Variants in ABTB2 observed in about 807,000 individuals in gnomAD.
The protein encoded by ABTB2 is ankyrin repeat and BTB/POZ domain-containing protein 2.
A neutral mutation model predicts 104.1 loss-of-function variants in ABTB2; 56 were observed. The ratio of observed to expected loss-of-function variants is 0.54; its 90% CI spans 0.43 to 0.67. The LOEUF is 0.67. Among genes scored for constraint, ABTB2 ranks in the 30% least tolerant of loss-of-function variants. ABTB2 has a pLI of 0.00. For missense variants in ABTB2, 1,279 were observed against 1,407.7 expected, an observed-to-expected ratio of 0.91 and a Z score of 1.46; for synonymous variants, 606 against 608.2, an observed-to-expected ratio of 1.00 and a Z score of 0.05.
At chr11:34,311,013 A>T (rs1263829474) in intron 1 of ABTB2, among the ~76,000 whole-genome samples, 1 of 152,224 alleles carries the variant, frequency 6.6e-6, no homozygotes, top group Non-Finnish European at 1.5e-5. Flanking sequence ...CCACAGAGAG[A>T]TGCCGTTTCT....
intron 1 of ABTB2, among the ~76,000 whole-genome samples, chr11:34,234,353 T>G (rs1853812562): frequency 6.6e-6 from 1 of 152,222 alleles, no homozygotes; most frequent in South Asian, 2.1e-4. Flanking sequence ...GATTCTCCCC[T>G]CCCTGGCCTT....
chr11:34,332,004 CAA>C (rs1357311467), intron 1 of ABTB2, among the ~76,000 whole-genome samples: 1 of 152,204 alleles, frequency 6.6e-6, no homozygotes, highest in Admixed American at 6.5e-5. Context: ...GATCTCAACA[CAA>C]ATGACCACCT....
chr11:34,267,067 A>T (rs1854261372), intron 1 of ABTB2, among the ~76,000 whole-genome samples: 1 of 152,114 alleles, frequency 6.6e-6, no homozygotes, highest in Non-Finnish European at 1.5e-5. Context: ...AGGAGAGGAA[A>T]ATTCTCTCAA....
At chr11:34,179,760 C>T (rs1261704102) in intron 3 of ABTB2, among the ~76,000 whole-genome samples, 5 of 152,296 alleles carry the variant, frequency 3.3e-5, no homozygotes, top group South Asian at 2.1e-4. Context: ...AGACTCCATA[C>T]GATAGTAGCT....
At chr11:34,278,546 A>G (rs1429501826) in intron 1 of ABTB2, among the ~76,000 whole-genome samples, 1 of 152,160 alleles carries the variant, frequency 6.6e-6, no homozygotes, top group Non-Finnish European at 1.5e-5. Flanking sequence ...TATCACCCTA[A>G]TCCCTGATAG....
intron 1 of ABTB2, among the ~76,000 whole-genome samples, chr11:34,210,080 G>A (rs755417491): frequency 1.3e-5 from 2 of 152,084 alleles, no homozygotes; most frequent in Non-Finnish European, 1.5e-5. Context: ...TTGCAGAGGC[G>A]CTGTCTCTTC....
rs1564941009 is a variant in ABTB2, at chr11:34,357,482, G to A, written c.102C>T (p.Ser34=). 36 of 1,545,648 alleles carry A rather than the reference G, an allele frequency of 2.3e-5. No individual in the cohort carries two copies. The highest frequency in any genetic ancestry group is 2.7e-5 in the Non-Finnish European group (31 of 1,146,842). Residue 34 remains serine, a synonymous_variant, in exon 1 of 17, where the codon TCC becomes TCT. Transcript: ENST00000435224. The part of the protein sequence containing the change: ...GDSCRSLSLS[S]SKSNSQALNS... ...TGAGCGCCTGCGAGTTGGACTTGGAGGACGAGAGGCTGAGCGAGCGGCACG... is the reference window on the plus strand; with the variant it reads ...TGAGCGCCTGCGAGTTGGACTTGGAAGACGAGAGGCTGAGCGAGCGGCACG...
intron 1 of ABTB2, among the ~76,000 whole-genome samples, chr11:34,343,452 CAG>C (rs1465294062): frequency 1.1e-5 from 1 of 93,992 alleles, no homozygotes; most frequent in Non-Finnish European, 1.9e-5. Context: ...TTAAGACAGA[CAG>C]ACAGACACAC....
intron 1 of ABTB2, among the ~76,000 whole-genome samples, chr11:34,219,336 T>G (rs1029387184): frequency 2.6e-5 from 4 of 151,864 alleles, no homozygotes; most frequent in African/African-American, 9.7e-5. Flanking sequence ...GAGGATTGCT[T>G]GAGTTCAAAG....
In ABTB2 at chr11:34,210,249, C is replaced by A. The variant is rs1853465272; in HGVS notation, c.884-5559G>T. On this transcript the variant is annotated intron_variant, in intron 1 of 16. Coordinates refer to ENST00000435224, the MANE Select transcript of ABTB2 (RefSeq NM_145804.3). ...GAATCTATGGCTTCTCAAGTCCTCCCAGCACTGGGATTCTAGACTCTGACC... is the reference window on the plus strand; with the variant it reads ...GAATCTATGGCTTCTCAAGTCCTCCAAGCACTGGGATTCTAGACTCTGACC... 3.3e-5 allele frequency among the ~76,000 whole-genome samples: 5 copies of A among 152,332 alleles called. No homozygotes were observed. The South Asian group carries it at 1.0e-3, about 32-fold the overall frequency.
chr11:34,323,126 C>T (rs1004519129), intron 1 of ABTB2, among the ~76,000 whole-genome samples: 9 of 152,010 alleles, frequency 5.9e-5, no homozygotes, highest in African/African-American at 9.7e-5. Context: ...AGGCTGGTCT[C>T]GAACTCCTGA....
At position 34,349,576 on chromosome 11, in the gene ABTB2, A is replaced by G. The variant is rs190565253; in HGVS notation, c.883+7125T>C. On this transcript the variant is annotated intron_variant, in intron 1 of 16. Transcript: ENST00000435224. ...CAAGTTTGTTAAAAACAATTAGAAT[A>G]TCTTATGTGTCAGGCATAACACAAA... is the stretch of plus-strand genomic sequence containing the variant. 1.1e-4 allele frequency among the ~76,000 whole-genome samples: 17 copies of G among 152,348 alleles called. 1 individual carries two copies. The highest frequency in any genetic ancestry group is 6.5e-4 in the Admixed American group (10 of 15,304).
At chr11:34,306,686 T>A (rs1454820358) in intron 1 of ABTB2, among the ~76,000 whole-genome samples, 1 of 151,878 alleles carries the variant, frequency 6.6e-6, no homozygotes, top group African/African-American at 2.4e-5. Context: ...ACTGCACCAC[T>A]GCACTCCAGC....
intron 1 of ABTB2, among the ~76,000 whole-genome samples, chr11:34,341,475 G>A (rs1262636991): frequency 6.6e-6 from 1 of 152,180 alleles, no homozygotes; most frequent in South Asian, 2.1e-4. Flanking sequence ...CCACTCTAAT[G>A]GCTGTATTGT....
At chr11:34,292,217 T>G (rs905042895) in intron 1 of ABTB2, among the ~76,000 whole-genome samples, 2 of 152,100 alleles carry the variant, frequency 1.3e-5, no homozygotes, top group African/African-American at 4.8e-5. Flanking sequence ...TCCCCAGTAA[T>G]GAGGGAAGGA....
chr11:34,215,681 T>C (rs564307848), intron 1 of ABTB2, among the ~76,000 whole-genome samples: 6 of 152,328 alleles, frequency 3.9e-5, no homozygotes, highest in African/African-American at 7.2e-5. Flanking sequence ...CTCTGGATAA[T>C]AGGCCTAATC....
At chr11:34,156,221 G>T (rs1352174297) in intron 14 of ABTB2, among the ~76,000 whole-genome samples, 4 of 152,364 alleles carry the variant, frequency 2.6e-5, no homozygotes, top group Non-Finnish European at 5.9e-5. Flanking sequence ...TGCATATGAG[G>T]CCACAGAAGT....
intron 1 of ABTB2, among the ~76,000 whole-genome samples, chr11:34,268,931 T>A (rs942965458): frequency 6.6e-6 from 1 of 152,160 alleles, no homozygotes; most frequent in African/African-American, 2.4e-5. Context: ...GCTAACTACA[T>A]CCACACCTAC....
chr11:34,298,489 G>C (rs929270417), intron 1 of ABTB2, among the ~76,000 whole-genome samples: 3 of 150,800 alleles, frequency 2.0e-5, no homozygotes, highest in African/African-American at 7.4e-5. Flanking sequence ...TTGGGACAGA[G>C]TCTCGCTCTG....
Sources: allele counts gnomAD v4.1 joint callset (sites outside exome capture counted in the v4.1 genomes callset), GRCh38; gene constraint gnomAD v4.1.1; transcripts MANE v1.5; gene names NCBI Gene and HGNC (gene_info 2026-07-23, HGNC 2026-07-21).